RAG1: variants seen among roughly 807,000 people sequenced by gnomAD.
The protein encoded by RAG1 is recombination activating 1.
A neutral mutation model predicts 62.7 loss-of-function variants in RAG1; 35 were observed. That is an observed-to-expected ratio of 0.56 (90% CI 0.43 to 0.74). The LOEUF is 0.74. RAG1 is among the 30% of genes least tolerant of loss of function. The probability of loss-of-function intolerance (pLI) is 0.00; values close to 1 mark genes in which losing one functional copy is unlikely to be tolerated. For missense variants in RAG1, 1,169 were observed against 1,278.6 expected (o/e 0.91, Z 1.31); for synonymous variants, 461 against 470.3 (o/e 0.98, Z 0.26).
intron 3 of RAG1, among the ~76,000 whole-genome samples, chr11:36,551,598 C>CTT (rs1554943116): frequency 1.6e-5 from 2 of 127,540 alleles, no homozygotes; most frequent in African/African-American, 6.6e-5. Context: ...AACTTAATTA[C>CTT]TTCTTTTTTT....
intron 2 of RAG1, among the ~76,000 whole-genome samples, chr11:36,524,597 T>C (rs1437448566): frequency 6.6e-6 from 1 of 151,922 alleles, no homozygotes; most frequent in Non-Finnish European, 1.5e-5. Context: ...CAGGTGATCC[T>C]TCCACCTAAG....
downstream of RAG1, among the ~76,000 whole-genome samples, chr11:36,539,732 C>G (rs764213239): frequency 1.3e-5 from 2 of 152,208 alleles, no homozygotes; most frequent in Non-Finnish European, 2.9e-5. Flanking sequence ...CCCACCTCGG[C>G]CTCCCAAAAT....
chr11:36,516,042 G>A (rs1053056202), intron 1 of RAG1, among the ~76,000 whole-genome samples: 1 of 152,114 alleles, frequency 6.6e-6, no homozygotes, highest in Admixed American at 6.6e-5. Flanking sequence ...TTTGAAGAAA[G>A]GGGAAGGTGG....
Position 36,575,202 on chromosome 11 carries a change from C to T in RAG1, c.1898C>T (p.Thr633Ile), listed in dbSNP as rs1348229451. The change falls in exon 2 of 2, where the codon ACT becomes ATT. Residue 633 changes from threonine (T) to isoleucine (I), a missense_variant. Physicochemically the swap from Thr to Ile is moderately conservative, Grantham distance 89. Coordinates refer to ENST00000299440, the MANE Select transcript of RAG1 (RefSeq NM_000448.3). This position sits in a 1 kb window ranked among gnomAD's most constrained non-coding sequence, Gnocchi z 4.1. ...VRFSFTIMKI[T>I]IAHSSQNVKV... ...TTTTCATTCACAATCATGAAAATTA[C>T]TATTGCCCACAGCTCTCAGAATGTG... is the stretch of plus-strand genomic sequence containing the variant. 1 of 1,614,174 alleles carries T rather than the reference C, an allele frequency of 6.2e-7. No individual in the cohort carries two copies. The highest frequency in any genetic ancestry group is 1.1e-5 in the South Asian group (1 of 91,090).
exon 1 of RAG1, chr11:36,510,948 G>A (rs996566635): frequency 4.6e-5 from 7 of 152,158 alleles, no homozygotes; most frequent in African/African-American, 1.7e-4. Context: ...TCTTAGGGGA[G>A]GTTTTCCAGG....
At chr11:36,569,263 A>T (rs1339600920) in intron 1 of RAG1, among the ~76,000 whole-genome samples, 1 of 152,190 alleles carries the variant, frequency 6.6e-6, no homozygotes, top group Non-Finnish European at 1.5e-5. Context: ...GGAGGGAGGC[A>T]CGCCTGTAGC....
chr11:36,573,916 G>T lies in RAG1; in HGVS notation c.612G>T (p.Trp204Cys). 6.2e-7 allele frequency: 1 copy of T among 1,614,084 alleles called. No individual in the cohort carries two copies. The highest frequency in any genetic ancestry group is 8.5e-7 in the Non-Finnish European group (1 of 1,180,012). ...TCCCGAGGAACGTGACCATGGAGTG[G>T]CACCCCCACACACCATCCTGTGACA... ...VYFPRNVTME[W>C]HPHTPSCDIC... Residue 204 changes from tryptophan (W) to cysteine (C), a missense_variant, in exon 2 of 2, where the codon TGG (tryptophan) becomes TGT (cysteine). Physicochemically the swap from Trp to Cys is radical, Grantham distance 215. Coordinates refer to ENST00000299440, the MANE Select transcript of RAG1 (RefSeq NM_000448.3).
chr11:36,543,348 C>T (rs1313013551), intron 3 of RAG1, among the ~76,000 whole-genome samples: 1 of 152,232 alleles, frequency 6.6e-6, no homozygotes, highest in Non-Finnish European at 1.5e-5. Context: ...GGTATGCTTG[C>T]CTCATCCCTC....
chr11:36,565,287 G>C (rs1002542692), upstream of RAG1, among the ~76,000 whole-genome samples: 1 of 152,224 alleles, frequency 6.6e-6, no homozygotes, highest in Non-Finnish European at 1.5e-5. Flanking sequence ...ACTCATTGCT[G>C]TCTGGGAAGA....
In RAG1 at chr11:36,577,583, A is replaced by G. The variant is rs1261531964; in HGVS notation, c.*1147A>G. The G allele has an allele frequency of 6.0e-6, 1 of 167,010 alleles. No homozygotes were observed. The highest frequency in any genetic ancestry group is 1.5e-5 in the Non-Finnish European group (1 of 68,122). 10.3% of individuals were successfully genotyped at this position (167,010 alleles called of 1,614,324 possible). ...AACGCAGTACAGCAGAAGAGTTAACATTTACACAGTGCTTTTTACCACTGT... is the reference window on the plus strand; with the variant it reads ...AACGCAGTACAGCAGAAGAGTTAACGTTTACACAGTGCTTTTTACCACTGT... On this transcript the variant is annotated 3_prime_UTR_variant, in exon 2 of 2. Transcript: ENST00000299440.
In RAG1 at chr11:36,573,607, G is replaced by T. The variant is rs4151025; in HGVS notation, c.303G>T (p.Ala101=). Residue 101 remains alanine, a synonymous_variant, in exon 2 of 2, where the codon GCG becomes GCT. Coordinates refer to ENST00000299440, the MANE Select transcript of RAG1 (RefSeq NM_000448.3). ...FHDNEKARGK[A]IHQANLRHLC... ...ACAACGAGAAAGCAAGAGGCAAAGC[G>T]ATCCATCAAGCCAACCTTCGACATC... The T allele has an allele frequency of 9.9e-6, 16 of 1,614,020 alleles. No homozygotes were observed. Among genetic ancestry groups the T allele is most frequent in the Non-Finnish European group, 1.4e-5 (16 of 1,180,040 alleles).
rs1304782664 is a variant in RAG1 at position 36,575,785 on chromosome 11, G to A, written c.2481G>A (p.Glu827=). 3 of 1,614,094 alleles carry A rather than the reference G, an allele frequency of 1.9e-6. No homozygotes were observed. Residue 827 remains glutamate, a synonymous_variant, in exon 2 of 2, where the codon GAG becomes GAA. Coordinates refer to ENST00000299440, the MANE Select transcript of RAG1 (RefSeq NM_000448.3). The surrounding 1 kb of genome is among the most constrained non-coding windows in gnomAD (Gnocchi z 4.1). ...EVYKNPNASK[E]ERKRWQATLD... Reference sequence around the variant, plus strand: ...ATAAGAATCCCAATGCTTCCAAAGAGGAAAGGAAAAGGTGGCAGGCCACAC... The same window carrying A: ...ATAAGAATCCCAATGCTTCCAAAGAAGAAAGGAAAAGGTGGCAGGCCACAC...
At chr11:36,565,642 G>A (rs1331153327), upstream of RAG1, 1 of 152,226 alleles carries the variant, frequency 6.6e-6, no homozygotes, top group Non-Finnish European at 1.5e-5. Context: ...TGGATCCTAG[G>A]CAGCTCTGTC....
intron 1 of RAG1, among the ~76,000 whole-genome samples, chr11:36,516,358 G>A (rs1859996007): frequency 6.6e-6 from 1 of 152,262 alleles, no homozygotes; most frequent in African/African-American, 2.4e-5. Context: ...GTCTCGCTCT[G>A]TCGCCCAGGC....
At chr11:36,562,310 G>A (rs567003946) in intron 3 of RAG1, among the ~76,000 whole-genome samples, 1 of 152,298 alleles carries the variant, frequency 6.6e-6, no homozygotes, top group East Asian at 1.9e-4. Flanking sequence ...AGGATTGTGA[G>A]TTCTTGAGAT....
chr11:36,567,812 G>A (rs1850681981), upstream of RAG1, among the ~76,000 whole-genome samples: 1 of 152,150 alleles, frequency 6.6e-6, no homozygotes, highest in Non-Finnish European at 1.5e-5. Flanking sequence ...CTGGCAGCCA[G>A]TGCCCCAGCA....
downstream of RAG1, among the ~76,000 whole-genome samples, chr11:36,536,427 G>A (rs879635487): frequency 9.2e-5 from 14 of 152,096 alleles, no homozygotes; most frequent in Non-Finnish European, 1.9e-4. Context: ...TCTTAGGGAG[G>A]TATTTATAGG....
At chr11:36,523,050 G>A (rs1461052332) in intron 2 of RAG1, among the ~76,000 whole-genome samples, 1 of 152,190 alleles carries the variant, frequency 6.6e-6, no homozygotes, top group Non-Finnish European at 1.5e-5. Flanking sequence ...ACTTTGGACT[G>A]TGGACTTTTG....
At chr11:36,532,456 A>G (rs1306963281) in intron 2 of RAG1, among the ~76,000 whole-genome samples, 2 of 152,116 alleles carry the variant, frequency 1.3e-5, no homozygotes, top group Non-Finnish European at 2.9e-5. Flanking sequence ...TTTCTATTTC[A>G]TTCAATAGCA....
Sources: gnomAD v4.1 joint callset for allele counts (sites outside exome capture counted in the v4.1 genomes callset) on GRCh38, gnomAD v4.1.1 for gene constraint, Gnocchi (gnomAD v3.1) non-coding constraint, MANE v1.5 for transcripts, NCBI Gene and HGNC (gene_info 2026-07-23, HGNC 2026-07-21) for gene names.